GPHN: variants seen among roughly 807,000 people sequenced by gnomAD.
The protein encoded by GPHN is gephyrin.
GPHN carries 17 observed loss-of-function variants against 95.5 expected under a neutral mutation model. The observed-to-expected ratio is 0.18, with a 90% CI of 0.12 to 0.27. GPHN has a LOEUF of 0.27. GPHN is among the 10% of genes least tolerant of loss of function. GPHN has a pLI of 1.00. For synonymous variants in GPHN, 320 were observed against 322.5 expected (o/e 0.99, Z 0.08); for missense variants, 660 against 978.1 (o/e 0.67, Z 4.34).
intron 3 of GPHN, among the ~76,000 whole-genome samples, chr14:66,821,408 C>G (rs2061184627): frequency 6.6e-6 from 1 of 152,116 alleles, no homozygotes. Flanking sequence ...ATTTCTAATT[C>G]CGTGACACCA....
chr14:67,080,261 T>A (rs1002288864), intron 11 of GPHN, among the ~76,000 whole-genome samples: 2 of 151,864 alleles, frequency 1.3e-5, no homozygotes, highest in Non-Finnish European at 2.9e-5. Flanking sequence ...TAAATTCATG[T>A]GATTTTTTGT....
intron 3 of GPHN, among the ~76,000 whole-genome samples, chr14:66,809,079 G>A (rs971495052): frequency 2.0e-5 from 3 of 152,088 alleles, no homozygotes; most frequent in Non-Finnish European, 2.9e-5. Flanking sequence ...TGTTTTGGTC[G>A]GGGGCATAGT....
the GPHN span, chr14:67,279,853 T>A: frequency 3.6e-6 from 1 of 279,376 alleles, no homozygotes; most frequent in Non-Finnish European, 6.6e-6. Flanking sequence ...TGCAAAATAC[T>A]AAAAAAGAAT....
chr14:66,978,117 T>C (rs2070386189), intron 9 of GPHN, among the ~76,000 whole-genome samples: 1 of 152,172 alleles, frequency 6.6e-6, no homozygotes. Flanking sequence ...AATACGTTAG[T>C]CCTAAACCGT....
chr14:66,508,497 T>C lies in GPHN; in HGVS notation c.-31T>C. 1 of 1,609,386 alleles carries C rather than the reference T, an allele frequency of 6.2e-7. No individual in the cohort carries two copies. The highest frequency in any genetic ancestry group is 8.5e-7 in the Non-Finnish European group (1 of 1,175,742). On this transcript the variant is annotated 5_prime_UTR_variant, in exon 1 of 23. Transcript: ENST00000478722. ...GCTCCGGGCTCCGGTTTCTCCCGGC[T>C]CCTGTCAGTGCGGTGACTGCGCTGG...
the GPHN span, among the ~76,000 whole-genome samples, chr14:67,539,945 GAAT>G: frequency 6.6e-6 from 1 of 152,120 alleles, no homozygotes; most frequent in East Asian, 1.9e-4. Context: ...AGAAAAATAC[GAAT>G]AAAAGTCACA....
chr14:67,027,362 G>A (rs566651163), intron 10 of GPHN, among the ~76,000 whole-genome samples: 1 of 152,132 alleles, frequency 6.6e-6, no homozygotes, highest in East Asian at 1.9e-4. Context: ...ACAAAGTCTT[G>A]CTCTGTCACC....
intron 2 of GPHN, among the ~76,000 whole-genome samples, chr14:66,681,445 A>T (rs1381174491): frequency 6.6e-6 from 1 of 152,182 alleles, no homozygotes; most frequent in Non-Finnish European, 1.5e-5. Flanking sequence ...GGCAGTAGCT[A>T]CTAGCCAAGA....
At chr14:67,552,623 T>C in the GPHN span, among the ~76,000 whole-genome samples, 2 of 150,690 alleles carry the variant, frequency 1.3e-5, no homozygotes, top group Admixed American at 1.3e-4. Flanking sequence ...AAAAATTAGC[T>C]GGGCGTGGTG....
At chr14:66,572,631 G>GGTTTT (rs1335821000) in intron 1 of GPHN, among the ~76,000 whole-genome samples, 2 of 151,770 alleles carry the variant, frequency 1.3e-5, no homozygotes, top group South Asian at 2.1e-4. Context: ...AAACTTTACT[G>GGTTTT]AATCTTTGGT....
intron 5 of GPHN, among the ~76,000 whole-genome samples, chr14:66,886,279 C>T (rs2064184365): frequency 6.6e-6 from 1 of 152,154 alleles, no homozygotes; most frequent in East Asian, 1.9e-4. Flanking sequence ...TAACAGCCCT[C>T]CCTTTTTGTA....
intron 1 of GPHN, among the ~76,000 whole-genome samples, chr14:66,665,726 G>T (rs529239755): frequency 8.5e-5 from 13 of 152,220 alleles, no homozygotes; most frequent in South Asian, 4.1e-4. Context: ...GAAATACCAT[G>T]TGACCCAGCC....
chr14:67,714,895 T>C, the GPHN span: 5 of 152,168 alleles, frequency 3.3e-5, no homozygotes, highest in Non-Finnish European at 7.3e-5. Flanking sequence ...ACTCAAGGCA[T>C]TCACTGAATG....
chr14:66,601,249 T>C (rs527822168), intron 1 of GPHN, among the ~76,000 whole-genome samples: 1 of 152,102 alleles, frequency 6.6e-6, no homozygotes, highest in African/African-American at 2.4e-5. Flanking sequence ...TTGAAATAAG[T>C]AGCATAAGTG....
At chr14:67,318,238 A>G in the GPHN span, among the ~76,000 whole-genome samples, 1 of 152,246 alleles carries the variant, frequency 6.6e-6, no homozygotes, top group East Asian at 1.9e-4. Flanking sequence ...TGGGAGCAGC[A>G]CACATTAAAC....
At chr14:66,951,345 C>T (rs1172951255) in intron 8 of GPHN, among the ~76,000 whole-genome samples, 6 of 151,718 alleles carry the variant, frequency 4.0e-5, no homozygotes, top group East Asian at 3.9e-4. Context: ...GGTGAAACCC[C>T]GTCTCTACTA....
intron 1 of GPHN, among the ~76,000 whole-genome samples, chr14:66,520,803 A>G (rs183250199): frequency 5.9e-5 from 9 of 151,886 alleles, no homozygotes; most frequent in Middle Eastern, 3.4e-3. Flanking sequence ...TTATTTCATC[A>G]CCTAGCTACT....
intron 11 of GPHN, among the ~76,000 whole-genome samples, chr14:67,064,646 C>T (rs916623087): frequency 6.6e-6 from 1 of 152,116 alleles, no homozygotes; most frequent in African/African-American, 2.4e-5. Flanking sequence ...TCAACTTCTT[C>T]CTGCTTTAGT....
At position 67,058,748 on chromosome 14, in the gene GPHN, T is replaced by G; in HGVS notation, c.1106T>G (p.Met369Arg). 6.2e-7 allele frequency: 1 copy of G among 1,613,822 alleles called. No individual in the cohort carries two copies. The highest frequency in any genetic ancestry group is 8.5e-7 in the Non-Finnish European group (1 of 1,179,700). ...MDKAFITVLE[M>R]TPVLGTEIIN... Reference sequence around the variant, plus strand: ...AAAGCCTTTATCACAGTCCTGGAGATGACTCCGGTGCTTGGGACAGAAATC... The same window carrying G: ...AAAGCCTTTATCACAGTCCTGGAGAGGACTCCGGTGCTTGGGACAGAAATC... Residue 369 changes from methionine to arginine, a missense_variant, in exon 11 of 23, where the codon ATG becomes AGG. Coordinates refer to ENST00000478722, the MANE Select transcript of GPHN (RefSeq NM_020806.5).
Sources: allele counts gnomAD v4.1 joint callset (sites outside exome capture counted in the v4.1 genomes callset), GRCh38; gene constraint gnomAD v4.1.1; transcripts MANE v1.5; gene names NCBI Gene and HGNC (gene_info 2026-07-23, HGNC 2026-07-21).